Variants in SNTG1 observed in about 807,000 individuals in gnomAD.
SNTG1 encodes syntrophin gamma 1, also known as gamma-1-syntrophin.
SNTG1 carries 39 observed loss-of-function variants against 74.7 expected under a neutral mutation model. That is an observed-to-expected ratio of 0.52 (90% confidence interval 0.40 to 0.68). SNTG1 has a LOEUF of 0.68. SNTG1 is among the 30% of genes least tolerant of loss of function. SNTG1 has a pLI of 0.00. For missense variants in SNTG1, 685 were observed against 609.5 expected, an observed-to-expected ratio of 1.12 and a Z score of -1.30; for synonymous variants, 254 against 217.1, an observed-to-expected ratio of 1.17 and a Z score of -1.49.
At chr8:50,717,503 A>G (rs888341830) in intron 17 of SNTG1, among the ~76,000 whole-genome samples, 12 of 152,256 alleles carry the variant, frequency 7.9e-5, no homozygotes, top group African/African-American at 2.9e-4. Context: ...TGTAAAACAT[A>G]AGGTAGAGAT....
intron 1 of SNTG1, among the ~76,000 whole-genome samples, chr8:50,021,944 AAAAAT>A (rs1816855717): frequency 6.8e-6 from 1 of 146,400 alleles, no homozygotes; most frequent in African/African-American, 2.5e-5. Flanking sequence ...CTCTCAAAAA[AAAAAT>A]AAAAATAAAA....
At chr8:50,215,782 G>C (rs2084762128) in intron 2 of SNTG1, among the ~76,000 whole-genome samples, 1 of 151,908 alleles carries the variant, frequency 6.6e-6, no homozygotes, top group Admixed American at 6.6e-5. Flanking sequence ...TTTTCAGAAG[G>C]AGATTATGAA....
intron 12 of SNTG1, among the ~76,000 whole-genome samples, chr8:50,590,654 A>G (rs545666853): frequency 4.7e-4 from 72 of 152,242 alleles, no homozygotes; most frequent in African/African-American, 1.7e-3. Flanking sequence ...TTAAAGGGAA[A>G]TCTTTTCCAA....
chr8:50,296,213 C>T (rs1016038903), intron 2 of SNTG1, among the ~76,000 whole-genome samples: 1 of 152,084 alleles, frequency 6.6e-6, no homozygotes, highest in African/African-American at 2.4e-5. Context: ...GGTGATTCCT[C>T]AAGGATATAG....
At chr8:50,741,059 T>C (rs1341249881) in intron 17 of SNTG1, among the ~76,000 whole-genome samples, 1 of 152,044 alleles carries the variant, frequency 6.6e-6, no homozygotes, top group East Asian at 1.9e-4. Context: ...AATACCTGGG[T>C]GACAAAATAA....
intron 1 of SNTG1, among the ~76,000 whole-genome samples, chr8:49,964,198 T>C (rs1216915467): frequency 6.6e-6 from 1 of 152,214 alleles, no homozygotes; most frequent in African/African-American, 2.4e-5. Context: ...CAAAGTAGAT[T>C]ACTCTTCAAG....
intron 1 of SNTG1, among the ~76,000 whole-genome samples, chr8:50,139,026 C>A (rs1274862488): frequency 2.6e-5 from 4 of 152,124 alleles, no homozygotes; most frequent in Non-Finnish European, 5.9e-5. Context: ...CTGCTACACA[C>A]AAATGCTGTT....
At chr8:50,374,472 T>C (rs1022212204) in intron 2 of SNTG1, among the ~76,000 whole-genome samples, 10 of 152,330 alleles carry the variant, frequency 6.6e-5, no homozygotes, top group Middle Eastern at 3.4e-3. Flanking sequence ...TACATTTTTA[T>C]ATGGGCAGCT....
At chr8:50,261,001 C>G (rs1453725016) in intron 2 of SNTG1, among the ~76,000 whole-genome samples, 3 of 152,104 alleles carry the variant, frequency 2.0e-5, no homozygotes, top group Non-Finnish European at 4.4e-5. Context: ...CTGATAGTGA[C>G]AACTCTTTTA....
intron 9 of SNTG1, among the ~76,000 whole-genome samples, chr8:50,515,140 A>G (rs2094120066): frequency 6.6e-6 from 1 of 152,180 alleles, no homozygotes; most frequent in Non-Finnish European, 1.5e-5. Context: ...TTGACAGCAT[A>G]CATAAGCATA....
intron 9 of SNTG1, among the ~76,000 whole-genome samples, chr8:50,513,551 C>T (rs2467206): frequency 0.2 from 30,027 of 152,242 alleles, 3,084 homozygotes; most frequent in South Asian, 0.33. Context: ...CTTTGAGCTG[C>T]GGTGGGCTCC....
intron 13 of SNTG1, among the ~76,000 whole-genome samples, chr8:50,650,423 T>A (rs938648747): frequency 1.7e-4 from 26 of 152,132 alleles, no homozygotes; most frequent in African/African-American, 6.3e-4. Context: ...TTCACATTGT[T>A]CACTCATTCA....
At chr8:50,611,199 G>A (rs1156598814) in intron 13 of SNTG1, among the ~76,000 whole-genome samples, 2 of 152,142 alleles carry the variant, frequency 1.3e-5, no homozygotes, top group African/African-American at 4.8e-5. Flanking sequence ...AAAGGGTCCT[G>A]TTCCAACCTT....
intron 1 of SNTG1, among the ~76,000 whole-genome samples, chr8:50,082,145 T>C (rs1383022102): frequency 2.0e-5 from 3 of 152,208 alleles, no homozygotes; most frequent in Non-Finnish European, 4.4e-5. Context: ...AGTTCCTCTA[T>C]GTGGTGAGAA....
intron 18 of SNTG1, among the ~76,000 whole-genome samples, chr8:50,777,334 G>A (rs1342806982): frequency 6.7e-6 from 1 of 149,150 alleles, no homozygotes; most frequent in Non-Finnish European, 1.5e-5. Context: ...TATTCTAACT[G>A]GTTAATTCTC....
intron 2 of SNTG1, among the ~76,000 whole-genome samples, chr8:50,186,643 CAT>C (rs1440839983): frequency 6.6e-6 from 1 of 151,836 alleles, no homozygotes; most frequent in African/African-American, 2.4e-5. Flanking sequence ...AGCTTTTTTT[CAT>C]ATGTTTGTTG....
chr8:50,243,329 G>A (rs768303465), intron 2 of SNTG1, among the ~76,000 whole-genome samples: 1 of 152,062 alleles, frequency 6.6e-6, no homozygotes, highest in Non-Finnish European at 1.5e-5. Context: ...GCAAGTGTAG[G>A]TTTTCTGAAT....
At chr8:49,938,592 C>CTTT (rs1244932981) in intron 1 of SNTG1, among the ~76,000 whole-genome samples, 828 of 18,108 alleles carry the variant, frequency 0.046, 39 homozygotes, top group African/African-American at 0.09. Flanking sequence ...CTTTTCTTTT[C>CTTT]TTTTCTTTTC....
At chr8:50,680,482 C>T (rs956815273) in intron 15 of SNTG1, among the ~76,000 whole-genome samples, 2 of 152,054 alleles carry the variant, frequency 1.3e-5, no homozygotes, top group African/African-American at 4.8e-5. Flanking sequence ...TTCAATTTTT[C>T]TCATTGGACT....
Sources: gnomAD v4.1 joint callset for allele counts (sites outside exome capture counted in the v4.1 genomes callset) on GRCh38, gnomAD v4.1.1 for gene constraint, MANE v1.5 for transcripts, NCBI Gene and HGNC (gene_info 2026-07-23, HGNC 2026-07-21) for gene names.